Variants in NFIB observed in about 807,000 individuals in gnomAD.
NFIB encodes the protein nuclear factor I B, also known as nuclear factor 1 B-type.
In NFIB, 11 loss-of-function variants were observed where a neutral mutation model predicts 61.5. That is an observed-to-expected ratio of 0.18 (90% CI 0.11 to 0.30). NFIB has a LOEUF of 0.30. NFIB is among the 10% of genes least tolerant of loss of function. The pLI, the probability that NFIB is intolerant of heterozygous loss-of-function variation, is 1.00. For missense variants in NFIB, 471 were observed against 608.9 expected, an observed-to-expected ratio of 0.77 and a Z score of 2.38; for synonymous variants, 260 against 216.5, an observed-to-expected ratio of 1.20 and a Z score of -1.76.
chr9:14,413,898 A>G, the NFIB span, among the ~76,000 whole-genome samples: 3 of 152,194 alleles, frequency 2.0e-5, no homozygotes, highest in Non-Finnish European at 4.4e-5. Context: ...TAAAATAGAG[A>G]CAAATAGAAA....
intron 2 of NFIB, among the ~76,000 whole-genome samples, chr9:14,227,825 T>C (rs1156523390): frequency 6.6e-6 from 1 of 152,204 alleles, no homozygotes. Context: ...TATTGCTGTT[T>C]AGCTGCAGAG....
chr9:14,174,556 A>AG (rs2045934761), intron 3 of NFIB, among the ~76,000 whole-genome samples: 1 of 152,052 alleles, frequency 6.6e-6, no homozygotes, highest in Non-Finnish European at 1.5e-5. Flanking sequence ...TCACGAGGTT[A>AG]GGAGTTCAAG....
the NFIB span, among the ~76,000 whole-genome samples, chr9:14,415,486 G>T: frequency 2.0e-5 from 3 of 152,202 alleles, no homozygotes; most frequent in Admixed American, 2.0e-4. Flanking sequence ...TCAAAGGCCG[G>T]TGACTGCACA....
chr9:14,512,672 C>T, the NFIB span, among the ~76,000 whole-genome samples: 2 of 137,550 alleles, frequency 1.5e-5, no homozygotes, highest in African/African-American at 2.6e-5. Flanking sequence ...TTTCACTTAG[C>T]GTCTTGTACT....
chr9:14,106,134 G>A (rs1289792963), intron 10 of NFIB, among the ~76,000 whole-genome samples: 3 of 151,886 alleles, frequency 2.0e-5, no homozygotes, highest in Admixed American at 6.6e-5. Context: ...TCTCCCAATA[G>A]TAATCAAATT....
At chr9:14,141,628 C>A (rs1213926914) in intron 6 of NFIB, among the ~76,000 whole-genome samples, 1 of 152,006 alleles carries the variant, frequency 6.6e-6, no homozygotes, top group East Asian at 1.9e-4. Context: ...TATAAAAATT[C>A]CTCCAATATA....
At chr9:14,327,320 C>G (rs1422913637) in intron 1 of NFIB, among the ~76,000 whole-genome samples, 1 of 152,214 alleles carries the variant, frequency 6.6e-6, no homozygotes, top group Non-Finnish European at 1.5e-5. Flanking sequence ...CCCAGTGTCA[C>G]AGATTCCTGT....
chr9:14,415,782 C>T, the NFIB span, among the ~76,000 whole-genome samples: 53 of 152,218 alleles, frequency 3.5e-4, no homozygotes, highest in African/African-American at 1.2e-3. Flanking sequence ...TCCCTCAAGT[C>T]CCACCAAGAT....
intron 6 of NFIB, among the ~76,000 whole-genome samples, chr9:14,130,620 C>T (rs995078641): frequency 6.6e-6 from 1 of 151,642 alleles, no homozygotes; most frequent in East Asian, 1.9e-4. Context: ...AAGGAACATG[C>T]TTTTACCAAA....
chr9:14,324,410 A>G (rs558594732), intron 1 of NFIB, among the ~76,000 whole-genome samples: 1 of 152,334 alleles, frequency 6.6e-6, no homozygotes, highest in South Asian at 2.1e-4. Flanking sequence ...TAACACTTGC[A>G]TGGGCAGTGT....
chr9:14,395,615 C>A (rs1297792290), intron 1 of NFIB, among the ~76,000 whole-genome samples: 2 of 152,032 alleles, frequency 1.3e-5, no homozygotes, highest in Admixed American at 6.6e-5. Context: ...ACCTCTTCCA[C>A]CACCCTACAG....
intron 1 of NFIB, among the ~76,000 whole-genome samples, chr9:14,312,849 A>T (rs969952108): frequency 2.0e-5 from 3 of 152,190 alleles, no homozygotes; most frequent in African/African-American, 7.2e-5. Flanking sequence ...ACTCGTGTCA[A>T]CGTAAATACT....
intron 1 of NFIB, among the ~76,000 whole-genome samples, chr9:14,335,513 T>C (rs2060875812): frequency 6.6e-6 from 1 of 152,222 alleles, no homozygotes; most frequent in Non-Finnish European, 1.5e-5. Context: ...TATTCAAAAC[T>C]TTTTGCCCAT....
At chr9:14,160,831 C>CAAAAAAAAAAA (rs36063048) in intron 3 of NFIB, among the ~76,000 whole-genome samples, 4 of 96,318 alleles carry the variant, frequency 4.2e-5, no homozygotes, top group East Asian at 3.0e-4. Flanking sequence ...AAGGAAATCT[C>CAAAAAAAAAAA]AAAAAAAAAA....
At chr9:14,171,034 C>A (rs1025565722) in intron 3 of NFIB, among the ~76,000 whole-genome samples, 1 of 152,140 alleles carries the variant, frequency 6.6e-6, no homozygotes, top group African/African-American at 2.4e-5. Flanking sequence ...CTAACTGTAG[C>A]CCATGAACGA....
chr9:14,407,284 T>A, the NFIB span, among the ~76,000 whole-genome samples: 1 of 152,216 alleles, frequency 6.6e-6, no homozygotes, highest in African/African-American at 2.4e-5. Flanking sequence ...AGTTTAATAC[T>A]TTCATATGAG....
At chr9:14,439,558 G>C in the NFIB span, among the ~76,000 whole-genome samples, 3 of 152,154 alleles carry the variant, frequency 2.0e-5, no homozygotes, top group African/African-American at 4.8e-5. Context: ...GCTATACTTT[G>C]GCCACCCCAG....
the NFIB span, among the ~76,000 whole-genome samples, chr9:14,524,047 T>C: frequency 2.0e-4 from 31 of 152,186 alleles, no homozygotes; most frequent in Admixed American, 3.9e-4. Context: ...TGAGTGCTCA[T>C]TGGATTCCCC....
chr9:14,252,256 T>C (rs963293574), intron 2 of NFIB, among the ~76,000 whole-genome samples: 2 of 152,216 alleles, frequency 1.3e-5, no homozygotes, highest in Non-Finnish European at 1.5e-5. Context: ...CTTGAACATA[T>C]TTCCCAATGC....
Sources: gnomAD v4.1 joint callset for allele counts (sites outside exome capture counted in the v4.1 genomes callset) on GRCh38, gnomAD v4.1.1 for gene constraint, MANE v1.5 for transcripts, NCBI Gene and HGNC (gene_info 2026-07-23, HGNC 2026-07-21) for gene names.